The following PRDM11 variants were observed in gnomAD, a reference collection of about 807,000 sequenced individuals.
PRDM11 encodes PR domain-containing protein 11.
In PRDM11, 20 loss-of-function variants were observed where a neutral mutation model predicts 97.8. That is an observed-to-expected ratio of 0.20 (90% CI 0.14 to 0.30). The LOEUF (loss-of-function observed/expected upper bound fraction) is 0.30, where lower values mean the gene tolerates loss of function less well. Ranked by LOEUF, PRDM11 falls within the 10% of genes least tolerant of loss-of-function variation. The probability of loss-of-function intolerance (pLI) is 1.00; values close to 1 mark genes in which losing one functional copy is unlikely to be tolerated. For missense variants in PRDM11, 1,139 were observed against 1,555.2 expected (o/e 0.73, Z 4.50); for synonymous variants, 599 against 637.7 (o/e 0.94, Z 0.91).
chr11:45,160,379 G>C (rs1851899875), intron 1 of PRDM11, among the ~76,000 whole-genome samples: 1 of 152,160 alleles, frequency 6.6e-6, no homozygotes, highest in African/African-American at 2.4e-5. Context: ...CTTTCTTGAT[G>C]ATCACAACAT....
At chr11:45,137,094 C>T (rs1022281959) in intron 1 of PRDM11, among the ~76,000 whole-genome samples, 5 of 151,330 alleles carry the variant, frequency 3.3e-5, no homozygotes, top group African/African-American at 4.9e-5. Context: ...ACCTGGGAGG[C>T]GGAGGTTGCA....
chr11:45,212,925 C>G (rs764858922), intron 5 of PRDM11: 9 of 409,166 alleles, frequency 2.2e-5, no homozygotes, highest in African/African-American at 4.1e-5. Flanking sequence ...GCAGACCCTA[C>G]GGGCTCCACT....
At chr11:45,116,395 C>G (rs1310491950) in intron 1 of PRDM11, among the ~76,000 whole-genome samples, 1 of 152,128 alleles carries the variant, frequency 6.6e-6, no homozygotes, top group African/African-American at 2.4e-5. Context: ...TACTAAGCTA[C>G]AAAATAAGCC....
chr11:45,159,190 C>T (rs1348890568), intron 1 of PRDM11, among the ~76,000 whole-genome samples: 1 of 152,252 alleles, frequency 6.6e-6, no homozygotes, highest in Non-Finnish European at 1.5e-5. Flanking sequence ...AGAAAGTCTC[C>T]TCTGCCCTTT....
At chr11:45,103,483 T>C (rs1852013603) in intron 1 of PRDM11, among the ~76,000 whole-genome samples, 1 of 152,166 alleles carries the variant, frequency 6.6e-6, no homozygotes, top group Non-Finnish European at 1.5e-5. Context: ...TGCAGCTTTG[T>C]GACTTTGAGC....
intron 1 of PRDM11, among the ~76,000 whole-genome samples, chr11:45,106,909 C>T (rs182984740): frequency 8.0e-4 from 122 of 152,322 alleles, no homozygotes; most frequent in African/African-American, 2.9e-3. Flanking sequence ...GAGTTGGGCT[C>T]AGATTGAGCA....
At chr11:45,101,195 G>T (rs1360727975) in intron 1 of PRDM11, among the ~76,000 whole-genome samples, 1 of 152,182 alleles carries the variant, frequency 6.6e-6, no homozygotes, top group African/African-American at 2.4e-5. Context: ...AGTTAGGGAG[G>T]GGGTGCTGTC....
intron 1 of PRDM11, among the ~76,000 whole-genome samples, chr11:45,127,176 T>C (rs899935891): frequency 1.3e-5 from 2 of 152,260 alleles, no homozygotes; most frequent in Non-Finnish European, 2.9e-5. Context: ...CAGCCTTGGC[T>C]TTCAGCTCCA....
At chr11:45,217,587 G>T (rs1458280459) in intron 5 of PRDM11, among the ~76,000 whole-genome samples, 1 of 152,176 alleles carries the variant, frequency 6.6e-6, no homozygotes, top group Non-Finnish European at 1.5e-5. Context: ...CATCTGCCTT[G>T]GTCTTACTCC....
intron 1 of PRDM11, among the ~76,000 whole-genome samples, chr11:45,120,809 C>T (rs1852412921): frequency 6.6e-6 from 1 of 152,040 alleles, no homozygotes; most frequent in Non-Finnish European, 1.5e-5. Flanking sequence ...TTACTTAAAC[C>T]AGCAATAATG....
chr11:45,143,825 A>G (rs1049588789), upstream of PRDM11, among the ~76,000 whole-genome samples: 1 of 152,162 alleles, frequency 6.6e-6, no homozygotes, highest in Non-Finnish European at 1.5e-5. Flanking sequence ...CATATGCCCT[A>G]TTCGCTTCAA....
intron 4 of PRDM11, among the ~76,000 whole-genome samples, chr11:45,197,930 T>C (rs557338659): frequency 9.1e-4 from 139 of 152,066 alleles, no homozygotes; most frequent in African/African-American, 3.2e-3. Context: ...AAATGACGAG[T>C]TAACGGGTGC....
At chr11:45,108,195 C>T (rs2135600397) in intron 1 of PRDM11, among the ~76,000 whole-genome samples, 1 of 152,264 alleles carries the variant, frequency 6.6e-6, no homozygotes, top group East Asian at 1.9e-4. Flanking sequence ...GTGCTGCCAT[C>T]CTGGTTGTTA....
At chr11:45,149,439 C>T (rs1851606787) in intron 1 of PRDM11, among the ~76,000 whole-genome samples, 1 of 152,214 alleles carries the variant, frequency 6.6e-6, no homozygotes, top group Non-Finnish European at 1.5e-5. Flanking sequence ...GAGCTGTTGT[C>T]ATCTAATGAA....
intron 1 of PRDM11, among the ~76,000 whole-genome samples, chr11:45,127,070 G>A (rs113975890): frequency 0.027 from 4,042 of 151,950 alleles, 184 homozygotes; most frequent in African/African-American, 0.092. Flanking sequence ...TTCCCTTCTC[G>A]CTTCATTTCA....
chr11:45,136,439 C>T (rs1028117287), intron 1 of PRDM11, among the ~76,000 whole-genome samples: 1 of 152,056 alleles, frequency 6.6e-6, no homozygotes, highest in African/African-American at 2.4e-5. Context: ...TTGGATAAAA[C>T]AAGGAGGCAT....
At chr11:45,185,626 C>T (rs950426206) in intron 4 of PRDM11, among the ~76,000 whole-genome samples, 13 of 152,092 alleles carry the variant, frequency 8.5e-5, no homozygotes, top group African/African-American at 3.1e-4. Flanking sequence ...TACATCACCT[C>T]AGAGGGTTCA....
At chr11:45,116,352 G>A (rs1448679360) in intron 1 of PRDM11, among the ~76,000 whole-genome samples, 1 of 152,160 alleles carries the variant, frequency 6.6e-6, no homozygotes, top group Non-Finnish European at 1.5e-5. Flanking sequence ...TTCTTTGCAA[G>A]TACATATAGA....
At chr11:45,156,172 TC>T (rs1358101695) in intron 1 of PRDM11, among the ~76,000 whole-genome samples, 1 of 152,112 alleles carries the variant, frequency 6.6e-6, no homozygotes, top group East Asian at 1.9e-4. Flanking sequence ...CCAAGTTCCT[TC>T]CCCTGAGATG....
Sources: gnomAD v4.1 joint callset for allele counts (sites outside exome capture counted in the v4.1 genomes callset) on GRCh38, gnomAD v4.1.1 for gene constraint, MANE v1.5 for transcripts, NCBI Gene and HGNC (gene_info 2026-07-23, HGNC 2026-07-21) for gene names.